Variants in KHDRBS2 observed in about 807,000 individuals in gnomAD.
KHDRBS2 encodes KH RNA binding domain containing, signal transduction associated 2, also known as KH domain-containing, RNA-binding, signal transduction-associated protein 2.
KHDRBS2 carries 26 observed loss-of-function variants against 44.3 expected under a neutral mutation model. The ratio of observed to expected loss-of-function variants is 0.59; its 90% CI spans 0.43 to 0.81. The LOEUF (loss-of-function observed/expected upper bound fraction) is 0.81, where lower values mean the gene tolerates loss of function less well. Among genes scored for constraint, KHDRBS2 ranks in the 40% least tolerant of loss-of-function variants. The probability of loss-of-function intolerance (pLI) is 0.00; values close to 1 mark genes in which losing one functional copy is unlikely to be tolerated. For synonymous variants in KHDRBS2, 194 were observed against 151.1 expected (o/e 1.28, Z -2.08); for missense variants, 476 against 433.1 (o/e 1.10, Z -0.88).
the KHDRBS2 span, among the ~76,000 whole-genome samples, chr6:61,581,695 A>C: frequency 6.7e-6 from 1 of 150,280 alleles, no homozygotes; most frequent in Non-Finnish European, 1.5e-5. Context: ...AGAAAGAAAT[A>C]AATTGACTTC....
intron 6 of KHDRBS2, among the ~76,000 whole-genome samples, chr6:61,774,443 C>A (rs930943124): frequency 6.6e-6 from 1 of 152,058 alleles, no homozygotes; most frequent in Admixed American, 6.6e-5. Flanking sequence ...GCAACTTCAG[C>A]AAAGTCTCAG....
chr6:61,861,276 T>A (rs1405127635), intron 6 of KHDRBS2, among the ~76,000 whole-genome samples: 1 of 152,166 alleles, frequency 6.6e-6, no homozygotes, highest in Non-Finnish European at 1.5e-5. Flanking sequence ...GTCTTTGTTA[T>A]GAAATCTTTG....
chr6:62,263,282 T>C (rs1455769454), intron 1 of KHDRBS2, among the ~76,000 whole-genome samples: 3 of 150,584 alleles, frequency 2.0e-5, no homozygotes, highest in Non-Finnish European at 4.4e-5. Context: ...CCAAAGAATA[T>C]GGAATATTTT....
chr6:61,827,156 T>C (rs1012564673), intron 6 of KHDRBS2, among the ~76,000 whole-genome samples: 5 of 152,150 alleles, frequency 3.3e-5, no homozygotes, highest in South Asian at 4.1e-4. Flanking sequence ...TTTCACCCAT[T>C]AGGTAATAAA....
At position 62,094,087 on chromosome 6, in the gene KHDRBS2, T is replaced by G. The variant is rs1464259210; in HGVS notation, c.220-46093A>C. Among the ~76,000 whole-genome samples the G allele has an allele frequency of 2.6e-5, 4 of 151,900 alleles. No homozygotes were observed. The East Asian group carries it at 7.7e-4, about 29-fold the overall frequency. ...CCTTATGATAATACTATTTTTAATA[T>G]TTTGAGAAACCTTTACACCATACTG... On this transcript the variant is annotated intron_variant, in intron 2 of 8. Coordinates refer to ENST00000281156, the MANE Select transcript of KHDRBS2 (RefSeq NM_152688.4).
intron 2 of KHDRBS2, among the ~76,000 whole-genome samples, chr6:62,160,950 C>T (rs1242645970): frequency 6.6e-6 from 1 of 152,104 alleles, no homozygotes; most frequent in African/African-American, 2.4e-5. Flanking sequence ...AACTGAAACT[C>T]TATATCCACT....
chr6:61,796,679 A>T (rs1411902095), intron 6 of KHDRBS2, among the ~76,000 whole-genome samples: 1 of 152,166 alleles, frequency 6.6e-6, no homozygotes, highest in Non-Finnish European at 1.5e-5. Flanking sequence ...TTTAATACCT[A>T]GCATGGGTAT....
rs563768797 is a variant in KHDRBS2 at position 61,766,981 on chromosome 6, G to A, written c.811-34217C>T. On this transcript the variant is annotated intron_variant, in intron 6 of 8. Coordinates refer to ENST00000281156, the MANE Select transcript of KHDRBS2 (RefSeq NM_152688.4). The stretch of plus-strand genomic sequence containing the variant: ...TACCTATTAGGGCTATTGGGTCTAT[G>A]GTGCAGATTAAGTCCATTGTTTCTT... Among the ~76,000 whole-genome samples the A allele has an allele frequency of 3.9e-5, 6 of 152,140 alleles. No homozygotes were observed. In the East Asian group the frequency reaches 9.7e-4, roughly 25 times the overall value.
At chr6:62,024,061 G>T (rs1031825529) in intron 3 of KHDRBS2, among the ~76,000 whole-genome samples, 9 of 150,968 alleles carry the variant, frequency 6.0e-5, no homozygotes, top group African/African-American at 2.2e-4. Context: ...AGTTAAATAT[G>T]TATACAATAG....
At chr6:62,119,908 G>A (rs1807191354) in intron 2 of KHDRBS2, among the ~76,000 whole-genome samples, 1 of 152,290 alleles carries the variant, frequency 6.6e-6, no homozygotes, top group South Asian at 2.1e-4. Flanking sequence ...GTCCTGGCAG[G>A]CCTCAAGAGG....
intron 6 of KHDRBS2, among the ~76,000 whole-genome samples, chr6:61,744,266 G>T (rs978989023): frequency 8.5e-5 from 13 of 152,166 alleles, no homozygotes; most frequent in African/African-American, 2.9e-4. Flanking sequence ...ATATTGGCTT[G>T]CCCTACATCC....
the KHDRBS2 span, among the ~76,000 whole-genome samples, chr6:61,665,546 CT>C: frequency 6.6e-6 from 1 of 151,068 alleles, no homozygotes; most frequent in East Asian, 2.0e-4. Context: ...ACTTTCAAAA[CT>C]GTGTAATCAA....
intron 6 of KHDRBS2, among the ~76,000 whole-genome samples, chr6:61,831,091 G>T (rs1340839839): frequency 6.6e-6 from 1 of 152,078 alleles, no homozygotes; most frequent in Non-Finnish European, 1.5e-5. Flanking sequence ...ATAATAACAG[G>T]TCAGAAGATC....
At chr6:61,995,012 T>C (rs1369978521) in intron 3 of KHDRBS2, among the ~76,000 whole-genome samples, 3 of 151,856 alleles carry the variant, frequency 2.0e-5, no homozygotes, top group Non-Finnish European at 4.4e-5. Context: ...GAATAGAAAA[T>C]GGAAGCAAAT....
At chr6:61,873,302 T>C (rs1165571094) in intron 6 of KHDRBS2, among the ~76,000 whole-genome samples, 1 of 151,922 alleles carries the variant, frequency 6.6e-6, no homozygotes, top group East Asian at 1.9e-4. Context: ...AAAGAACTCT[T>C]ACAAATAAAT....
At chr6:62,017,482 A>C (rs1253922176) in intron 3 of KHDRBS2, among the ~76,000 whole-genome samples, 1 of 152,154 alleles carries the variant, frequency 6.6e-6, no homozygotes, top group Non-Finnish European at 1.5e-5. Context: ...AAATAATGCT[A>C]CCCATTTATT....
intron 7 of KHDRBS2, among the ~76,000 whole-genome samples, chr6:61,711,658 T>G (rs1302149945): frequency 6.6e-6 from 1 of 151,866 alleles, no homozygotes; most frequent in Non-Finnish European, 1.5e-5. Context: ...CAGGATGTAA[T>G]AGTGCCATTT....
intron 2 of KHDRBS2, among the ~76,000 whole-genome samples, chr6:62,071,255 A>C (rs1388578807): frequency 2.0e-5 from 3 of 151,978 alleles, no homozygotes; most frequent in South Asian, 4.1e-4. Flanking sequence ...TTGTCAGATG[A>C]GTAGATTGCA....
intron 2 of KHDRBS2, among the ~76,000 whole-genome samples, chr6:62,055,740 G>A (rs530752662): frequency 1.3e-5 from 2 of 152,078 alleles, no homozygotes; most frequent in Admixed American, 6.6e-5. Flanking sequence ...CCCTTTCCAC[G>A]TAGGTTCACT....
Sources: allele counts gnomAD v4.1 joint callset (sites outside exome capture counted in the v4.1 genomes callset), GRCh38; gene constraint gnomAD v4.1.1; transcripts MANE v1.5; gene names NCBI Gene and HGNC (gene_info 2026-07-23, HGNC 2026-07-21).